Variants in CLCNKA observed in about 807,000 individuals in gnomAD.
The protein encoded by CLCNKA is chloride voltage-gated channel Ka, also known as chloride channel protein ClC-Ka.
A neutral mutation model predicts 83.3 loss-of-function variants in CLCNKA; 66 were observed. The ratio of observed to expected loss-of-function variants is 0.79; its 90% CI spans 0.65 to 0.97. The LOEUF (loss-of-function observed/expected upper bound fraction) is 0.97. CLCNKA is among the 50% of genes least tolerant of loss of function. The pLI, the probability that CLCNKA is intolerant of heterozygous loss-of-function variation, is 0.00. For missense variants in CLCNKA, 806 were observed against 888.7 expected (o/e 0.91, Z 1.18); for synonymous variants, 357 against 370.4 (o/e 0.96, Z 0.42).
intron 5 of CLCNKA, 35 bp downstream of exon 5, chr1:16,026,282 G>GCCCCCCCACAACCCCCAAA: frequency 1.1e-6 from 1 of 940,256 alleles, no homozygotes; most frequent in Non-Finnish European, 1.6e-6. Context: ...CAGCCACCCC[G>GCCCCCCCACAACCCCCAAA]CCCACCCTAC....
intron 18 of CLCNKA, 56 bp downstream of exon 18, chr1:16,032,582 A>T: frequency 7.4e-7 from 1 of 1,344,374 alleles, no homozygotes; most frequent in South Asian, 1.2e-5. Context: ...GCAAGAGCTG[A>T]TGAGGAGCTC....
At position 16,027,830 on chromosome 1, in the gene CLCNKA, C is replaced by T. The variant is rs200145823; in HGVS notation, c.791C>T (p.Thr264Ile). Residue 264 changes from threonine (T) to isoleucine (I), a missense_variant, in exon 9 of 20, where the codon ACC becomes ATC. Coordinates refer to ENST00000331433, the MANE Select transcript of CLCNKA (RefSeq NM_004070.4). ...TGCCCTCCTTCCCCAGAGACCATCA[C>T]CTCCCTCTACAAGACCAGTTTCCGG... ...AVFNSEQETI[T>I]SLYKTSFRVD... is the part of the protein sequence containing the mutation. 1.9e-6 allele frequency: 3 copies of T among 1,610,804 alleles called. No individual in the cohort carries two copies. The highest frequency in any genetic ancestry group is 1.1e-5 in the South Asian group (1 of 90,986).
rs56965936 is a variant in CLCNKA, at chr1:16,023,020, G to C, written c.100+301G>C. Among the ~76,000 whole-genome samples, 1,016 of 152,374 alleles carry C rather than the reference G, an allele frequency of 6.7e-3. 21 individuals are homozygous for C. Among genetic ancestry groups the C allele is most frequent in the African/African-American group, 0.023 (964 of 41,590 alleles). The stretch of plus-strand genomic sequence containing the variant: ...CCTGTGCCAATGAGGGGACGTGGGG[G>C]TTAGCTGCTGGGACAGCTGGGGGCA... On this transcript the variant is annotated intron_variant, in intron 2 of 19. Coordinates refer to ENST00000331433, the MANE Select transcript of CLCNKA (RefSeq NM_004070.4).
intron 2 of CLCNKA, among the ~76,000 whole-genome samples, chr1:16,023,246 G>A (rs2022212341): frequency 1.3e-5 from 2 of 152,220 alleles, no homozygotes; most frequent in Non-Finnish European, 2.9e-5. Flanking sequence ...CAGCGGGCCA[G>A]GGGCATTGCT....
At position 16,027,905 on chromosome 1, in the gene CLCNKA, G is replaced by C; in HGVS notation, c.866G>C (p.Gly289Ala). 1 of 1,613,752 alleles carries C rather than the reference G, an allele frequency of 6.2e-7. No homozygotes were observed. The highest frequency in any genetic ancestry group is 1.1e-5 in the South Asian group (1 of 91,060). The change falls in exon 9 of 20, where the codon GGT (glycine) becomes GCT (alanine). Residue 289 changes from glycine (G) to alanine (A), a missense_variant and splice_region_variant. Gly to Ala is a moderately conservative substitution (Grantham distance 60). Transcript: ENST00000331433. ...LPEIFFFVAL[G>A]GICGVLSCAY... is the part of the protein sequence containing the mutation. ...GAGATCTTCTTTTTTGTGGCGCTGG[G>C]GTGAGTGGGTGCCTTGGGCCCCTGA...
Position 16,030,819 on chromosome 1 carries a change from C to G in CLCNKA, c.1622+145C>G, listed in dbSNP as rs866165387. ...AGGGGCTGACACACAGCTGTGCTCT[C>G]ATCTCCACTCTCCCCAGTGCCCTGG... On this transcript the variant is annotated intron_variant, in intron 15 of 19. Transcript: ENST00000331433. 1,578 of 1,143,074 alleles carry G rather than the reference C, an allele frequency of 1.4e-3. 2 individuals are homozygous for G. The highest frequency in any genetic ancestry group is 7.7e-3 in the African/African-American group (513 of 66,652). 70.8% of individuals were successfully genotyped at this position (1,143,074 alleles called of 1,614,324 possible).
Position 16,031,743 on chromosome 1 carries a change from C to A in CLCNKA, c.1656C>A (p.Asn552Lys), listed in dbSNP as rs1237797254. 2.5e-6 allele frequency: 4 copies of A among 1,613,922 alleles called. 1 individual carries two copies. Among genetic ancestry groups the A allele is most frequent in the Non-Finnish European group, 1.7e-6 (2 of 1,180,048 alleles). Residue 552 changes from asparagine to lysine, a missense_variant, in exon 16 of 20, where the codon AAC (asparagine) becomes AAA (lysine). By Grantham distance (94) the Asn-to-Lys change is moderately conservative. Coordinates refer to ENST00000331433, the MANE Select transcript of CLCNKA (RefSeq NM_004070.4). Reference protein sequence around the residue: ...SHHVRVEHFMNHSITTLAKDT... With the variant: ...SHHVRVEHFMKHSITTLAKDT... ...ATGTGAGGGTGGAGCACTTCATGAACCACAGCATCACCACACTGGCCAAGG... is the reference window on the plus strand; with the variant it reads ...ATGTGAGGGTGGAGCACTTCATGAAACACAGCATCACCACACTGGCCAAGG...
rs764230441 is a variant in CLCNKA at position 16,030,527 on chromosome 1, C to G, written c.1475C>G (p.Thr492Ser). Residue 492 changes from threonine to serine, a missense_variant, in exon 15 of 20, where the codon ACC becomes AGC. Physicochemically the swap from Thr to Ser is moderately conservative, Grantham distance 58. Coordinates refer to ENST00000331433, the MANE Select transcript of CLCNKA (RefSeq NM_004070.4). ...ISTALLAFELTGQIVHALPVL... is the reference protein window; with the variant it reads ...ISTALLAFELSGQIVHALPVL... ...ACGGCGCTGCTGGCCTTTGAGCTGA[C>G]CGGCCAGATAGTGCATGCACTGCCC... The G allele has an allele frequency of 3.4e-5, 55 of 1,613,006 alleles. No homozygotes were observed. The highest frequency in any genetic ancestry group is 4.2e-5 in the Non-Finnish European group (50 of 1,180,046).
chr1:16,031,608 C>A, intron 15 of CLCNKA, 102 bp from the exon 16 acceptor site: 1 of 1,531,966 alleles, frequency 6.5e-7, no homozygotes, highest in African/African-American at 1.4e-5. Flanking sequence ...CACTCCAGAG[C>A]CGTGGGTCCC....
rs533577344 is a variant in CLCNKA, at chr1:16,023,043, G to C, written c.100+324G>C. 9.6e-4 allele frequency among the ~76,000 whole-genome samples: 147 copies of C among 152,352 alleles called. 1 individual carries two copies. The highest frequency in any genetic ancestry group is 3.4e-3 in the Middle Eastern group (1 of 294). ...GGGTTAGCTGCTGGGACAGCTGGGGGCACAGCAAGGGGCTGGGGCAGCCTG... is the reference window on the plus strand; with the variant it reads ...GGGTTAGCTGCTGGGACAGCTGGGGCCACAGCAAGGGGCTGGGGCAGCCTG... On this transcript the variant is annotated intron_variant, in intron 2 of 19. Transcript: ENST00000331433.
intron 5 of CLCNKA, 113 bp from the exon 6 acceptor site, chr1:16,026,422 AG>A: frequency 1.3e-6 from 2 of 1,507,368 alleles, no homozygotes; most frequent in Non-Finnish European, 1.8e-6. Flanking sequence ...AAGCTACCTG[AG>A]GACAGCCCTG....
Position 16,029,970 on chromosome 1 carries a change from G to T in CLCNKA, c.1303G>T (p.Ala435Ser), listed in dbSNP as rs770220267. Reference protein sequence around the residue: ...YFMPIFILGAAIGRLLGEALA... With the variant: ...YFMPIFILGASIGRLLGEALA... Reference sequence around the variant, plus strand: ...CACCCTAAGTCTGTGGCCAGGAGCTGCCATCGGGCGCCTCTTGGGAGAGGC... The same window carrying T: ...CACCCTAAGTCTGTGGCCAGGAGCTTCCATCGGGCGCCTCTTGGGAGAGGC... The change falls in exon 14 of 20, where the codon GCC becomes TCC. Residue 435 changes from alanine (A) to serine (S), a missense_variant. Physicochemically the swap from Ala to Ser is moderately conservative, Grantham distance 99 (BLOSUM62 1). Transcript: ENST00000331433. 3 of 1,610,946 alleles carry T rather than the reference G, an allele frequency of 1.9e-6. No individual in the cohort carries two copies. In the African/African-American group the frequency reaches 4.0e-5, roughly 22 times the overall value.
At chr1:16,032,607 C>A (rs1023511258) in intron 18 of CLCNKA, 81 bp downstream of exon 18, 1 of 1,094,504 alleles carries the variant, frequency 9.1e-7, no homozygotes, top group South Asian at 1.3e-5. Context: ...TCCAGCCTCC[C>A]GTCCCAACCC....
rs866319555 is a variant in CLCNKA at position 16,022,657 on chromosome 1, G to T, written c.38G>T (p.Gly13Val). The T allele has an allele frequency of 6.4e-7, 1 of 1,568,374 alleles. No individual in the cohort carries two copies. Among genetic ancestry groups the T allele is most frequent in the Non-Finnish European group, 8.6e-7 (1 of 1,156,370 alleles). ...GTGGGGCTGCGTGAGGGCTTCTCAG[G>T]GGACCCTGTGACTCTGCAGGAGCTG... ...ELVGLREGFSGDPVTLQELWG... is the reference protein window; with the variant it reads ...ELVGLREGFSVDPVTLQELWG... Residue 13 changes from glycine to valine, a missense_variant, in exon 2 of 20, where the codon GGG becomes GTG. Physicochemically the swap from Gly to Val is moderately radical, Grantham distance 109. Transcript: ENST00000331433.
At chr1:16,022,590 C>CT in intron 1 of CLCNKA, 23 bp from the exon 2 acceptor site, 1 of 1,530,682 alleles carries the variant, frequency 6.5e-7, no homozygotes, top group Non-Finnish European at 8.8e-7. Context: ...CACCCGGGTC[C>CT]TTCCCTCCAT....
intron 7 of CLCNKA, 46 bp downstream of exon 7, chr1:16,026,821 C>T (rs1207769528): frequency 9.3e-6 from 15 of 1,606,562 alleles, no homozygotes; most frequent in Admixed American, 8.3e-5. Context: ...TCAAGCTCCT[C>T]CCCTCACACC....
At chr1:16,029,640 A>G (rs1262344871) in intron 12 of CLCNKA, 91 bp from the exon 13 acceptor site, 5 of 1,506,652 alleles carry the variant, frequency 3.3e-6, no homozygotes, top group Non-Finnish European at 4.6e-6. Flanking sequence ...CTTTCTATCT[A>G]GGACACTCCC....
Position 16,029,636 on chromosome 1 carries a change from A to C in CLCNKA, c.1228-95A>C, listed in dbSNP as rs572933445. 7.3e-5 allele frequency: 109 copies of C among 1,497,138 alleles called. No individual in the cohort carries two copies. In the African/African-American group the frequency reaches 1.3e-3, roughly 18 times the overall value. 92.7% of individuals were successfully genotyped at this position (1,497,138 alleles called of 1,614,324 possible). On this transcript the variant is annotated intron_variant, in intron 12 of 19. Transcript: ENST00000331433. ...GGTGCATGGCTGGCACCCTCTTTCT[A>C]TCTAGGACACTCCCCTGTCCCCTGT...
chr1:16,027,394 C>A lies in CLCNKA; in HGVS notation c.740C>A (p.Ala247Asp). 1 of 1,614,076 alleles carries A rather than the reference C, an allele frequency of 6.2e-7. No individual in the cohort carries two copies. Among genetic ancestry groups the A allele is most frequent in the Non-Finnish European group, 8.5e-7 (1 of 1,179,998 alleles). Reference protein sequence around the residue: ...WRGFFAATCGAFIFRLLAVFN... With the variant: ...WRGFFAATCGDFIFRLLAVFN... ...GGCTTCTTTGCGGCCACCTGCGGGG[C>A]CTTCATATTCCGGCTCCTGGCAGTC... Residue 247 changes from alanine (A) to aspartate (D), a missense_variant, in exon 8 of 20, where the codon GCC (alanine) becomes GAC (aspartate). By Grantham distance (126) the Ala-to-Asp change is moderately radical. Transcript: ENST00000331433.
Sources: gnomAD v4.1 joint callset for allele counts (sites outside exome capture counted in the v4.1 genomes callset) on GRCh38, gnomAD v4.1.1 for gene constraint, MANE v1.5 for transcripts, NCBI Gene and HGNC (gene_info 2026-07-23, HGNC 2026-07-21) for gene names.